Variants in THSD4 observed in about 807,000 individuals in gnomAD.
THSD4 encodes the protein thrombospondin type-1 domain-containing protein 4.
A neutral mutation model predicts 119.0 loss-of-function variants in THSD4; 69 were observed. The ratio of observed to expected loss-of-function variants is 0.58; its 90% CI spans 0.48 to 0.71. The LOEUF is 0.71. Ranked by LOEUF, THSD4 falls within the 30% of genes least tolerant of loss-of-function variation. The pLI is 0.00. For missense variants in THSD4, 1,393 were observed against 1,391.1 expected (o/e 1.00, Z -0.02); for synonymous variants, 524 against 540.4 (o/e 0.97, Z 0.42).
chr15:71,208,339 G>A (rs1340860200), intron 3 of THSD4, among the ~76,000 whole-genome samples: 1 of 152,136 alleles, frequency 6.6e-6, no homozygotes, highest in East Asian at 1.9e-4. Context: ...AATGTGGTCA[G>A]TTAGGGCATC....
intron 7 of THSD4, among the ~76,000 whole-genome samples, chr15:71,507,888 T>G (rs924944654): frequency 6.6e-6 from 1 of 152,194 alleles, no homozygotes; most frequent in Non-Finnish European, 1.5e-5. Flanking sequence ...ACTGAGCAAA[T>G]TAACCACTTC....
intron 7 of THSD4, among the ~76,000 whole-genome samples, chr15:71,464,157 T>G (rs925032924): frequency 2.6e-5 from 4 of 152,230 alleles, no homozygotes; most frequent in African/African-American, 9.6e-5. Context: ...CATTTTGGTT[T>G]AGACAGTCCA....
intron 7 of THSD4, among the ~76,000 whole-genome samples, chr15:71,566,739 C>A (rs556797420): frequency 1.2e-4 from 18 of 151,890 alleles, no homozygotes; most frequent in African/African-American, 4.1e-4. Flanking sequence ...AGGGCCCCCC[C>A]TCTTTCCCCC....
chr15:71,224,180 T>A (rs28393203), intron 4 of THSD4, among the ~76,000 whole-genome samples: 1 of 152,104 alleles, frequency 6.6e-6, no homozygotes, highest in Non-Finnish European at 1.5e-5. Flanking sequence ...CCTGGAGGCA[T>A]GAGTGAGCAT....
intron 7 of THSD4, among the ~76,000 whole-genome samples, chr15:71,495,173 A>G (rs1359500670): frequency 2.0e-5 from 3 of 152,218 alleles, no homozygotes; most frequent in Admixed American, 2.0e-4. Flanking sequence ...GACAACTGCC[A>G]ATAGCAACCC....
chr15:71,754,258 TTTTGTA>T (rs1192020597), intron 14 of THSD4, among the ~76,000 whole-genome samples: 1 of 151,974 alleles, frequency 6.6e-6, no homozygotes, highest in Non-Finnish European at 1.5e-5. Context: ...CCCAGTTAAT[TTTTGTA>T]TTTTTAGTAG....
At chr15:71,716,308 T>C (rs903947650) in intron 8 of THSD4, among the ~76,000 whole-genome samples, 1 of 152,162 alleles carries the variant, frequency 6.6e-6, no homozygotes, top group Non-Finnish European at 1.5e-5. Context: ...AATAACATCT[T>C]CAAAGATCCT....
intron 7 of THSD4, among the ~76,000 whole-genome samples, chr15:71,428,448 A>G (rs1427309603): frequency 1.3e-5 from 2 of 152,118 alleles, no homozygotes; most frequent in Non-Finnish European, 2.9e-5. Context: ...AATTATTATT[A>G]CGATTTTTTA....
At chr15:71,367,856 C>T (rs1038087168) in intron 6 of THSD4, among the ~76,000 whole-genome samples, 7 of 152,310 alleles carry the variant, frequency 4.6e-5, no homozygotes, top group African/African-American at 1.7e-4. Context: ...GAGGAATCAC[C>T]ACACTGTCTT....
At chr15:71,152,869 C>T (rs1047728163) in intron 2 of THSD4, among the ~76,000 whole-genome samples, 2 of 152,190 alleles carry the variant, frequency 1.3e-5, no homozygotes, top group Admixed American at 6.5e-5. Context: ...AGCTCCCGTA[C>T]TCCATGGGTA....
chr15:71,297,887 C>T (rs2044888052), intron 6 of THSD4, among the ~76,000 whole-genome samples: 1 of 152,150 alleles, frequency 6.6e-6, no homozygotes, highest in Non-Finnish European at 1.5e-5. Flanking sequence ...CAAACATTTT[C>T]CCATTCTGCC....
At chr15:71,612,501 G>A (rs1363381921) in intron 7 of THSD4, among the ~76,000 whole-genome samples, 2 of 152,222 alleles carry the variant, frequency 1.3e-5, no homozygotes, top group African/African-American at 2.4e-5. Context: ...TGCTCAGGTT[G>A]TTAATGTGTG....
chr15:71,710,323 C>G (rs1008177973), intron 8 of THSD4, among the ~76,000 whole-genome samples: 1 of 152,166 alleles, frequency 6.6e-6, no homozygotes, highest in Non-Finnish European at 1.5e-5. Flanking sequence ...GTTTTAAAAA[C>G]CACCAATTTA....
intron 6 of THSD4, among the ~76,000 whole-genome samples, chr15:71,338,693 T>C (rs990954893): frequency 1.3e-5 from 2 of 152,112 alleles, no homozygotes; most frequent in Admixed American, 6.5e-5. Context: ...GCCCAAACAC[T>C]GAGATTATTA....
intron 5 of THSD4, among the ~76,000 whole-genome samples, chr15:71,250,776 A>C (rs985918302): frequency 6.6e-6 from 1 of 152,174 alleles, no homozygotes; most frequent in African/African-American, 2.4e-5. Context: ...ATTTGAAGGG[A>C]TCTCGAATAT....
intron 7 of THSD4, among the ~76,000 whole-genome samples, chr15:71,437,903 T>C (rs756269074): frequency 2.6e-4 from 40 of 152,222 alleles, no homozygotes; most frequent in Non-Finnish European, 5.7e-4. Flanking sequence ...GTATCTCCTG[T>C]AGTATTATTA....
At chr15:71,657,712 C>T (rs1390008313) in intron 7 of THSD4, among the ~76,000 whole-genome samples, 1 of 152,160 alleles carries the variant, frequency 6.6e-6, no homozygotes, top group African/African-American at 2.4e-5. Flanking sequence ...CCGCATGCTT[C>T]ACTGAAACCA....
intron 6 of THSD4, among the ~76,000 whole-genome samples, chr15:71,359,586 T>C (rs994028005): frequency 5.9e-5 from 9 of 152,158 alleles, no homozygotes; most frequent in Non-Finnish European, 1.0e-4. Context: ...GGTGGGTAGA[T>C]TGCTTGAGTT....
chr15:71,475,528 G>GA (rs1441657835), intron 7 of THSD4, among the ~76,000 whole-genome samples: 1 of 152,168 alleles, frequency 6.6e-6, no homozygotes, highest in African/African-American at 2.4e-5. Context: ...GGAGGTCTGG[G>GA]ATAGAGCCTG....
Sources: gnomAD v4.1 joint callset for allele counts (sites outside exome capture counted in the v4.1 genomes callset) on GRCh38, gnomAD v4.1.1 for gene constraint, MANE v1.5 for transcripts, NCBI Gene and HGNC (gene_info 2026-07-23, HGNC 2026-07-21) for gene names.